PDE10A: variants seen among roughly 807,000 people sequenced by gnomAD.
PDE10A encodes phosphodiesterase 10A.
A neutral mutation model predicts 97.7 loss-of-function variants in PDE10A; 39 were observed. The observed-to-expected ratio is 0.40, with a 90% CI of 0.31 to 0.52. PDE10A has a LOEUF of 0.52. Ranked by LOEUF, PDE10A falls within the 20% of genes least tolerant of loss-of-function variation. The probability of loss-of-function intolerance (pLI) is 0.56; values close to 1 mark genes in which losing one functional copy is unlikely to be tolerated. For synonymous variants in PDE10A, 371 were observed against 376.8 expected, an observed-to-expected ratio of 0.98 and a Z score of 0.18; for missense variants, 731 against 1,047.8, an observed-to-expected ratio of 0.70 and a Z score of 4.17.
In PDE10A at chr6:165,702,286, C is replaced by T. The variant is rs949947413; in HGVS notation, c.-614-158718G>A. 3.9e-5 allele frequency among the ~76,000 whole-genome samples: 6 copies of T among 152,196 alleles called. No individual in the cohort carries two copies. In the East Asian group the frequency reaches 7.7e-4, roughly 20 times the overall value. Reference sequence around the variant, plus strand: ...CATTAATTTTCTGAAAACTCCCTGCCTCTTCTCCATTTCCTTCTCATACTG... The same window carrying T: ...CATTAATTTTCTGAAAACTCCCTGCTTCTTCTCCATTTCCTTCTCATACTG... On this transcript the variant is annotated intron_variant, in intron 1 of 19. Coordinates refer to the PDE10A transcript ENST00000366882.
Position 165,395,247 on chromosome 6 carries a change from C to T in PDE10A, c.2237G>A (p.Gly746Asp). 6.2e-7 allele frequency: 1 copy of T among 1,612,682 alleles called. No individual in the cohort carries two copies. The highest frequency in any genetic ancestry group is 1.1e-5 in the South Asian group (1 of 91,040). ...TCCAGGCCACATGTTTTCAAAAGGA[C>T]CAATGTCAAAGTGGAATCTGAAATT... ...KEIELFHFDI[G>D]PFENMWPGIF... Residue 746 changes from glycine to aspartate, a missense_variant, in exon 15 of 22, where the codon GGT becomes GAT. Coordinates refer to ENST00000539869, the MANE Select transcript of PDE10A (RefSeq NM_001385079.1).
At chr6:165,441,408 T>A (rs1176075231) in intron 5 of PDE10A, among the ~76,000 whole-genome samples, 2 of 152,228 alleles carry the variant, frequency 1.3e-5, no homozygotes, top group African/African-American at 4.8e-5. Flanking sequence ...TTTTGGTACT[T>A]AGCAGATGTT....
intron 1 of PDE10A, among the ~76,000 whole-genome samples, chr6:165,873,263 T>C (rs1781250680): frequency 6.6e-6 from 1 of 152,148 alleles, no homozygotes; most frequent in South Asian, 2.1e-4. Flanking sequence ...CGCTTTGAAT[T>C]CCTTAAATGG....
intron 1 of PDE10A, among the ~76,000 whole-genome samples, chr6:165,858,106 C>T (rs1780800133): frequency 6.6e-6 from 1 of 152,160 alleles, no homozygotes; most frequent in Non-Finnish European, 1.5e-5. Context: ...TTTAGTAAAA[C>T]AATTTATTGC....
chr6:165,868,932 T>C (rs770254587), intron 1 of PDE10A, among the ~76,000 whole-genome samples: 6 of 151,428 alleles, frequency 4.0e-5, no homozygotes, highest in Non-Finnish European at 8.9e-5. Flanking sequence ...ATGGTTATCA[T>C]ATGGAAAGAA....
At position 165,958,721 on chromosome 6, in the gene PDE10A, AAGAAAGAAAGAAAGAAAGAAAGAAAG is replaced by A. The variant is rs1278622762; in HGVS notation, c.-615+28782_-615+28807del. Among the ~76,000 whole-genome samples, 4 of 17,928 alleles carry A rather than the reference AAGAAAGAAAGAAAGAAAGAAAGAAAG, an allele frequency of 2.2e-4. 1 individual carries two copies. The highest frequency in any genetic ancestry group is 4.6e-4 in the African/African-American group (2 of 4,328). The allele number at this position is 17,928 out of a possible 152,430, so 11.8% of individuals were successfully genotyped here. On this transcript the variant is annotated intron_variant, in intron 1 of 19. Coordinates refer to the PDE10A transcript ENST00000366882. Reference sequence around the variant, plus strand: ...GAAAGAAAGAAAGAAAGAGAGAAGAAAGAAAGAAAGAAAGAAAGAAAGAAAGAGAAAGAAAGAAAGAAAGAAGAAAG... The same window carrying A: ...GAAAGAAAGAAAGAAAGAGAGAAGAAAGAAAGAAAGAAAGAAAGAAGAAAG...
In PDE10A at chr6:165,418,542, G is replaced by T. The variant is rs1788477077; in HGVS notation, c.1796+93C>A. On this transcript the variant is annotated intron_variant, in intron 11 of 21. Transcript: ENST00000539869. The surrounding 1 kb of genome is among the most constrained non-coding windows in gnomAD (Gnocchi z 4.8). ...ATGATATCACAGTATGACAAGTATT[G>T]TCAGCATACCTGTGAATAGGCACAG... 8.7e-7 allele frequency: 1 copy of T among 1,144,306 alleles called. No individual in the cohort carries two copies. The allele number at this position is 1,144,306 out of a possible 1,614,324, so 70.9% of individuals were successfully genotyped here. A position where few individuals can be genotyped will look rare whatever the true frequency, so the allele number is the denominator to read the frequency against.
intron 2 of PDE10A, among the ~76,000 whole-genome samples, chr6:165,509,419 T>G (rs1023056650): frequency 6.6e-6 from 1 of 151,994 alleles, no homozygotes; most frequent in African/African-American, 2.4e-5. Context: ...TCTGAGTTCT[T>G]TATTCTGTTC....
chr6:165,797,727 A>G (rs1431124201), intron 1 of PDE10A, among the ~76,000 whole-genome samples: 1 of 152,326 alleles, frequency 6.6e-6, no homozygotes, highest in Admixed American at 6.5e-5. Flanking sequence ...CATTATAATC[A>G]GTTTTAAAAT....
In PDE10A at chr6:165,900,922, A is replaced by G. The variant is rs559970438; in HGVS notation, c.-615+86607T>C. ...AGGCCCCTGACTGAAGCCAGGAGCA[A>G]GTTTGTGTTTAAAACCAGACCTGGG... On this transcript the variant is annotated intron_variant, in intron 1 of 19. Transcript: ENST00000366882. 1.4e-4 allele frequency among the ~76,000 whole-genome samples: 22 copies of G among 152,296 alleles called. No homozygotes were observed. The South Asian group carries it at 3.9e-3, about 27-fold the overall frequency.
At chr6:165,496,597 T>C (rs1396480460) in intron 2 of PDE10A, among the ~76,000 whole-genome samples, 2 of 152,216 alleles carry the variant, frequency 1.3e-5, no homozygotes, top group East Asian at 3.9e-4. Context: ...CTTCCACTGA[T>C]AGCTGGACAC....
chr6:165,880,662 C>A (rs1162004307), intron 1 of PDE10A, among the ~76,000 whole-genome samples: 1 of 152,210 alleles, frequency 6.6e-6, no homozygotes, highest in East Asian at 1.9e-4. Flanking sequence ...TCTGCCTCAA[C>A]CTTGGCCAGG....
chr6:165,726,701 C>T (rs1792305187), intron 1 of PDE10A, among the ~76,000 whole-genome samples: 2 of 152,356 alleles, frequency 1.3e-5, no homozygotes, highest in South Asian at 4.1e-4. Context: ...CACTGAGAAC[C>T]AGCTTCCTGG....
rs568001329 is a variant in PDE10A at position 165,907,725 on chromosome 6, C to T, written c.-615+79804G>A. Among the ~76,000 whole-genome samples, 776 of 152,330 alleles carry T rather than the reference C, an allele frequency of 5.1e-3. 7 individuals carry two copies. Among genetic ancestry groups the T allele is most frequent in the Non-Finnish European group, 6.7e-3 (457 of 68,026 alleles). The stretch of plus-strand genomic sequence containing the variant: ...ATGCCTCAGACCAGTGATGGGCCTC[C>T]CTGCAGCAGTGGGGAAAGGACCGTG... On this transcript the variant is annotated intron_variant, in intron 1 of 19. Transcript: ENST00000366882.
At chr6:165,748,533 T>C (rs1392127173) in intron 1 of PDE10A, among the ~76,000 whole-genome samples, 1 of 152,246 alleles carries the variant, frequency 6.6e-6, no homozygotes, top group Non-Finnish European at 1.5e-5. Flanking sequence ...CTGGTTCTGC[T>C]AACACTACTG....
chr6:165,478,380 G>C (rs1779412193), intron 3 of PDE10A, among the ~76,000 whole-genome samples: 1 of 152,154 alleles, frequency 6.6e-6, no homozygotes, highest in South Asian at 2.1e-4. Flanking sequence ...AAGTAGACCT[G>C]AAAATCTAGT....
intron 13 of PDE10A, among the ~76,000 whole-genome samples, chr6:165,405,003 G>C (rs1787008383): frequency 6.6e-6 from 1 of 152,110 alleles, no homozygotes; most frequent in African/African-American, 2.4e-5. Flanking sequence ...ACCATAGAGA[G>C]TTCTTTCATG....
intron 13 of PDE10A, among the ~76,000 whole-genome samples, 191 bp downstream of exon 13, chr6:165,413,310 G>C (rs1229837425): frequency 6.6e-6 from 1 of 151,634 alleles, no homozygotes; most frequent in African/African-American, 2.4e-5. Context: ...CAAACTATTA[G>C]GAGACTGTTA....
intron 1 of PDE10A, among the ~76,000 whole-genome samples, chr6:165,872,921 G>T (rs1053229898): frequency 1.1e-4 from 16 of 152,196 alleles, no homozygotes; most frequent in African/African-American, 3.9e-4. Flanking sequence ...GAATCCAGGT[G>T]ATTCCAGGAG....
Sources: gnomAD v4.1 joint callset for allele counts (sites outside exome capture counted in the v4.1 genomes callset) on GRCh38, gnomAD v4.1.1 for gene constraint, Gnocchi (gnomAD v3.1) non-coding constraint, MANE v1.5 for transcripts, NCBI Gene and HGNC (gene_info 2026-07-23, HGNC 2026-07-21) for gene names.